NECAB1: variants seen among roughly 807,000 people sequenced by gnomAD.
The protein encoded by NECAB1 is N-terminal EF-hand calcium-binding protein 1.
In NECAB1, 29 loss-of-function variants were observed where a neutral mutation model predicts 57.5. That is an observed-to-expected ratio of 0.50 (90% CI 0.38 to 0.69). NECAB1 has a LOEUF of 0.69. Ranked by LOEUF, NECAB1 falls within the 30% of genes least tolerant of loss-of-function variation. The pLI, the probability that NECAB1 is intolerant of heterozygous loss-of-function variation, is 0.00. For synonymous variants in NECAB1, 142 were observed against 147.7 expected, an observed-to-expected ratio of 0.96 and a Z score of 0.28; for missense variants, 372 against 413.8, an observed-to-expected ratio of 0.90 and a Z score of 0.88.
At chr8:90,887,257 T>A (rs1249068242) in intron 5 of NECAB1, among the ~76,000 whole-genome samples, 2 of 152,200 alleles carry the variant, frequency 1.3e-5, no homozygotes, top group Non-Finnish European at 2.9e-5. Flanking sequence ...CCATTTTTTT[T>A]ATCTGAACTT....
chr8:90,852,230 C>T (rs1812697020), intron 3 of NECAB1, among the ~76,000 whole-genome samples: 2 of 152,104 alleles, frequency 1.3e-5, no homozygotes. Flanking sequence ...GTACAAAGTA[C>T]TGTTCTAAAC....
At chr8:90,886,465 C>T (rs1808992960) in intron 5 of NECAB1, among the ~76,000 whole-genome samples, 1 of 152,046 alleles carries the variant, frequency 6.6e-6, no homozygotes, top group Non-Finnish European at 1.5e-5. Flanking sequence ...TATCTTAATT[C>T]TTGTATACTT....
chr8:90,911,704 C>A (rs993235125), intron 5 of NECAB1, among the ~76,000 whole-genome samples: 3 of 152,088 alleles, frequency 2.0e-5, no homozygotes, highest in African/African-American at 7.2e-5. Context: ...TGCTATGTGC[C>A]AAACACTAGC....
intron 3 of NECAB1, among the ~76,000 whole-genome samples, chr8:90,833,710 A>G (rs1812326287): frequency 6.6e-6 from 1 of 152,186 alleles, no homozygotes; most frequent in African/African-American, 2.4e-5. Flanking sequence ...AAATCAATGC[A>G]GTAAAATTGT....
chr8:90,846,601 A>T lies in NECAB1; in HGVS notation c.233+21776A>T, dbSNP rs12550756. Among the ~76,000 whole-genome samples the T allele has an allele frequency of 1.9e-3, 292 of 152,142 alleles. 1 individual carries two copies. The highest frequency in any genetic ancestry group is 6.8e-3 in the African/African-American group (281 of 41,458). On this transcript the variant is annotated intron_variant, in intron 3 of 12. Coordinates refer to ENST00000417640, the MANE Select transcript of NECAB1 (RefSeq NM_022351.5). ...AAGATTTAAGATAGTGTATTAGTCCATTCTCATGCTGCTAATAAAGAAATA... is the reference window on the plus strand; with the variant it reads ...AAGATTTAAGATAGTGTATTAGTCCTTTCTCATGCTGCTAATAAAGAAATA...
At chr8:90,938,290 A>G (rs1411484253) in intron 9 of NECAB1, among the ~76,000 whole-genome samples, 1 of 152,206 alleles carries the variant, frequency 6.6e-6, no homozygotes. Context: ...AAGGTAAATG[A>G]TAAATGATAT....
At chr8:90,907,141 T>TGAGAGAGAGA (rs1352529506) in intron 5 of NECAB1, among the ~76,000 whole-genome samples, 11 of 127,028 alleles carry the variant, frequency 8.7e-5, no homozygotes, top group Admixed American at 2.7e-4. Flanking sequence ...TGTGTGTGTG[T>TGAGAGAGAGA]GTGTGTGTGT....
rs904652643 is a variant in NECAB1, at chr8:90,879,097, A to T, written c.260-1936A>T. Among the ~76,000 whole-genome samples, 67 of 143,498 alleles carry T rather than the reference A, an allele frequency of 4.7e-4. 1 individual carries two copies. The East Asian group carries it at 6.5e-3, about 14-fold the overall frequency. The allele number at this position is 143,498 out of a possible 152,430, so 94.1% of individuals were successfully genotyped here. ...TATATATTATATATATTATATATAT[A>T]ATATAGGTATCTATATATAGATATC... is the stretch of plus-strand genomic sequence containing the variant. On this transcript the variant is annotated intron_variant, in intron 4 of 12. Coordinates refer to ENST00000417640, the MANE Select transcript of NECAB1 (RefSeq NM_022351.5).
At chr8:90,879,657 T>G (rs1469213205) in intron 4 of NECAB1, among the ~76,000 whole-genome samples, 1 of 152,206 alleles carries the variant, frequency 6.6e-6, no homozygotes, top group Non-Finnish European at 1.5e-5. Context: ...TACGGCCACA[T>G]TAACTGCTCG....
chr8:90,926,919 T>C (rs895886687), intron 7 of NECAB1, among the ~76,000 whole-genome samples: 1 of 152,150 alleles, frequency 6.6e-6, no homozygotes, highest in Admixed American at 6.5e-5. Flanking sequence ...GATACTTCTA[T>C]AGCAGGAAGA....
At chr8:90,879,753 T>A (rs1226050010) in intron 4 of NECAB1, among the ~76,000 whole-genome samples, 2 of 152,186 alleles carry the variant, frequency 1.3e-5, no homozygotes, top group African/African-American at 4.8e-5. Flanking sequence ...AAAGTCAACA[T>A]TATAACCACA....
At chr8:90,802,360 A>T (rs1387601938) in intron 2 of NECAB1, among the ~76,000 whole-genome samples, 2 of 152,258 alleles carry the variant, frequency 1.3e-5, no homozygotes. Context: ...ACTGCACAAC[A>T]TCTAAGTTGT....
intron 5 of NECAB1, among the ~76,000 whole-genome samples, chr8:90,900,700 G>A (rs1809480358): frequency 6.6e-6 from 1 of 152,124 alleles, no homozygotes; most frequent in South Asian, 2.1e-4. Flanking sequence ...TTTATCTGTT[G>A]CCATGGCAAA....
chr8:90,830,032 A>C (rs557241273), intron 3 of NECAB1, among the ~76,000 whole-genome samples: 2 of 152,238 alleles, frequency 1.3e-5, no homozygotes, highest in East Asian at 3.9e-4. Flanking sequence ...AGGCAGATAC[A>C]TTCTAAAGCT....
chr8:90,921,885 C>T (rs1810122984), intron 6 of NECAB1, among the ~76,000 whole-genome samples: 1 of 152,222 alleles, frequency 6.6e-6, no homozygotes, highest in Non-Finnish European at 1.5e-5. Context: ...CAGTATCATT[C>T]ATCCTGCAGT....
intron 11 of NECAB1, among the ~76,000 whole-genome samples, chr8:90,950,091 G>C (rs1305921760): frequency 6.6e-6 from 1 of 152,030 alleles, no homozygotes; most frequent in Non-Finnish European, 1.5e-5. Flanking sequence ...AAATACTTTT[G>C]GTAATGATCC....
At chr8:90,921,152 G>T (rs542560024) in intron 6 of NECAB1, among the ~76,000 whole-genome samples, 39 of 152,158 alleles carry the variant, frequency 2.6e-4, no homozygotes, top group African/African-American at 7.9e-4. Flanking sequence ...GAGTAACTGG[G>T]ACTACAGTCA....
chr8:90,953,898 CTT>C (rs1213796174), intron 12 of NECAB1, among the ~76,000 whole-genome samples: 1 of 151,762 alleles, frequency 6.6e-6, no homozygotes, highest in Non-Finnish European at 1.5e-5. Flanking sequence ...GAAATCCTCT[CTT>C]TACTAAAAAA....
intron 3 of NECAB1, among the ~76,000 whole-genome samples, chr8:90,857,273 A>G (rs1812811249): frequency 6.6e-6 from 1 of 152,168 alleles, no homozygotes; most frequent in African/African-American, 2.4e-5. Context: ...GATTAAATAA[A>G]TATTACTCCT....
Sources: allele counts gnomAD v4.1 joint callset (sites outside exome capture counted in the v4.1 genomes callset), GRCh38; gene constraint gnomAD v4.1.1; transcripts MANE v1.5; gene names NCBI Gene and HGNC (gene_info 2026-07-23, HGNC 2026-07-21).